The following RAB27B variants were observed in gnomAD, a reference collection of about 807,000 sequenced individuals.
RAB27B encodes the protein ras-related protein Rab-27B.
A neutral mutation model predicts 24.6 loss-of-function variants in RAB27B; 15 were observed. The observed-to-expected ratio is 0.61, with a 90% CI of 0.41 to 0.94. The LOEUF (loss-of-function observed/expected upper bound fraction) is 0.94, where lower values mean the gene tolerates loss of function less well. Among genes scored for constraint, RAB27B ranks in the 40% least tolerant of loss-of-function variants. The pLI is 0.00. For synonymous variants in RAB27B, 105 were observed against 92.5 expected (o/e 1.14, Z -0.78); for missense variants, 261 against 266.8 (o/e 0.98, Z 0.15).
chr18:54,850,333 G>GACAT lies in RAB27B; in HGVS notation c.-20+21634_-20+21635insCATA, dbSNP rs869079784. 4.9e-3 allele frequency among the ~76,000 whole-genome samples: 462 copies of GACAT among 95,120 alleles called. 32 individuals carry two copies. Among genetic ancestry groups the GACAT allele is most frequent in the Middle Eastern group, 0.017 (3 of 174 alleles). The allele number at this position is 95,120 out of a possible 152,430, so 62.4% of individuals were successfully genotyped here. A position where few individuals can be genotyped will look rare whatever the true frequency, so the allele number is the denominator to read the frequency against. Reference sequence around the variant, plus strand: ...TATTTATTTAAAAGCAAACAAACAGGATATATATATATATATATATATATA... The same window carrying GACAT: ...TATTTATTTAAAAGCAAACAAACAGGACATATATATATATATATATATATATATA... On this transcript the variant is annotated intron_variant, in intron 1 of 5. Transcript: ENST00000262094.
At chr18:54,793,230 C>T (rs1304122694) in intron 2 of RAB27B, among the ~76,000 whole-genome samples, 1 of 151,934 alleles carries the variant, frequency 6.6e-6, no homozygotes, top group Non-Finnish European at 1.5e-5. Context: ...TCTCCTTGGG[C>T]CTTTGAACAA....
chr18:54,727,386 A>G (rs1303708145), intron 2 of RAB27B, among the ~76,000 whole-genome samples: 1 of 152,176 alleles, frequency 6.6e-6, no homozygotes, highest in African/African-American at 2.4e-5. Flanking sequence ...TAAGTCTAAG[A>G]CACAGAAAAT....
intron 1 of RAB27B, among the ~76,000 whole-genome samples, chr18:54,864,159 C>T (rs1286343661): frequency 6.6e-6 from 1 of 152,204 alleles, no homozygotes; most frequent in Non-Finnish European, 1.5e-5. Context: ...CTTTCCACAT[C>T]CTCACCAACA....
chr18:54,747,004 C>T (rs1910271118), intron 2 of RAB27B, among the ~76,000 whole-genome samples: 1 of 152,132 alleles, frequency 6.6e-6, no homozygotes, highest in African/African-American at 2.4e-5. Flanking sequence ...TTTAATGTTT[C>T]CCTGTAAATA....
intron 2 of RAB27B, among the ~76,000 whole-genome samples, chr18:54,819,542 A>G (rs1418310506): frequency 1.3e-5 from 2 of 149,190 alleles, no homozygotes; most frequent in African/African-American, 4.9e-5. Flanking sequence ...AAAAAAAAAA[A>G]AAAAAGAAAA....
chr18:54,745,109 G>T, intron 2 of RAB27B: 1 of 167,190 alleles, frequency 6.0e-6, no homozygotes. Context: ...AGCTGCGTCT[G>T]CTGGTGGTTA....
At chr18:54,835,613 C>A (rs9964394) in intron 1 of RAB27B, among the ~76,000 whole-genome samples, 1 of 151,788 alleles carries the variant, frequency 6.6e-6, no homozygotes, top group South Asian at 2.1e-4. Context: ...TATTTATAAC[C>A]GAGGGTTAAA....
intron 2 of RAB27B, among the ~76,000 whole-genome samples, chr18:54,815,908 T>G (rs4801095): frequency 0.96 from 145,784 of 152,126 alleles, 70,209 homozygotes; most frequent in East Asian, 1. Flanking sequence ...ACAGGCGTGA[T>G]CCACCATGCC....
chr18:54,778,485 G>T (rs908030337), intron 2 of RAB27B, among the ~76,000 whole-genome samples: 1 of 152,200 alleles, frequency 6.6e-6, no homozygotes, highest in African/African-American at 2.4e-5. Flanking sequence ...AACTTTTGAT[G>T]AAACCAACTA....
At chr18:54,863,567 G>GT (rs1262675035) in intron 1 of RAB27B, among the ~76,000 whole-genome samples, 3 of 152,152 alleles carry the variant, frequency 2.0e-5, no homozygotes, top group African/African-American at 7.2e-5. Context: ...ACAGTTCAGT[G>GT]TTTTTTTAGA....
At chr18:54,734,982 T>G (rs1396230617) in intron 2 of RAB27B, among the ~76,000 whole-genome samples, 1 of 152,154 alleles carries the variant, frequency 6.6e-6, no homozygotes, top group Non-Finnish European at 1.5e-5. Flanking sequence ...AAGAACTAGA[T>G]TTATGATTGG....
intron 4 of RAB27B, among the ~76,000 whole-genome samples, chr18:54,886,955 T>C (rs1042793630): frequency 6.6e-6 from 1 of 151,094 alleles, no homozygotes; most frequent in African/African-American, 2.4e-5. Context: ...TATATTTTTT[T>C]CCCTTTTTTT....
chr18:54,799,272 C>T (rs1445161777), intron 2 of RAB27B, among the ~76,000 whole-genome samples: 1 of 152,064 alleles, frequency 6.6e-6, no homozygotes, highest in Non-Finnish European at 1.5e-5. Flanking sequence ...TCATCAATGA[C>T]AGAAAATGTA....
chr18:54,802,584 G>T (rs1490522793), intron 2 of RAB27B, among the ~76,000 whole-genome samples: 1 of 152,098 alleles, frequency 6.6e-6, no homozygotes, highest in Non-Finnish European at 1.5e-5. Flanking sequence ...TTCTTGATGT[G>T]TGATTTTACA....
At chr18:54,863,154 G>C (rs72924773) in intron 1 of RAB27B, among the ~76,000 whole-genome samples, 52,188 of 151,954 alleles carry the variant, frequency 0.34, 10,492 homozygotes, top group Admixed American at 0.44. Flanking sequence ...ATAGAATAAT[G>C]ATAAAACAGT....
At chr18:54,812,745 T>C (rs952921753) in intron 2 of RAB27B, among the ~76,000 whole-genome samples, 2 of 152,136 alleles carry the variant, frequency 1.3e-5, no homozygotes, top group Non-Finnish European at 2.9e-5. Context: ...TTATTTCTAA[T>C]GGTTTAAAGA....
intron 2 of RAB27B, among the ~76,000 whole-genome samples, chr18:54,735,083 A>G (rs2144999037): frequency 6.6e-6 from 1 of 152,334 alleles, no homozygotes; most frequent in Admixed American, 6.5e-5. Flanking sequence ...AAAACTGGCC[A>G]ATATCTACCA....
rs564185894 is a variant in RAB27B at position 54,731,434 on chromosome 18, C to G, written c.-20+13293C>G. 2.6e-5 allele frequency among the ~76,000 whole-genome samples: 4 copies of G among 152,164 alleles called. No individual in the cohort carries two copies. In the South Asian group the frequency reaches 8.3e-4, roughly 32 times the overall value. On this transcript the variant is annotated intron_variant, in intron 2 of 4. Transcript: ENST00000586570. ...AATGGATGCATATGAAATCTTCACC[C>G]AATCTGCCAGGTGTGGTGGCTCATG...
chr18:54,870,865 G>T (rs1008439516), intron 1 of RAB27B, among the ~76,000 whole-genome samples: 4 of 152,098 alleles, frequency 2.6e-5, no homozygotes, highest in Admixed American at 6.5e-5. Flanking sequence ...AATCTGGTAG[G>T]TGGAGAGTTA....
Sources: allele counts gnomAD v4.1 joint callset (sites outside exome capture counted in the v4.1 genomes callset), GRCh38; gene constraint gnomAD v4.1.1; transcripts MANE v1.5; gene names NCBI Gene and HGNC (gene_info 2026-07-23, HGNC 2026-07-21).